The following PDE4D variants were observed in gnomAD, a reference collection of about 807,000 sequenced individuals.
The protein encoded by PDE4D is phosphodiesterase 4D.
Under a neutral mutation model 87.4 loss-of-function variants are expected in PDE4D, and 24 were observed. The ratio of observed to expected loss-of-function variants is 0.27; its 90% CI spans 0.20 to 0.39. The LOEUF (loss-of-function observed/expected upper bound fraction) is 0.39, where lower values mean the gene tolerates loss of function less well. PDE4D is among the 10% of genes least tolerant of loss of function. PDE4D has a pLI of 1.00. For missense variants in PDE4D, 714 were observed against 1,041.0 expected (o/e 0.69, Z 4.32); for synonymous variants, 384 against 383.2 (o/e 1.00, Z -0.02).
intron 6 of PDE4D, chr5:59,002,158 C>T (rs1242130239): frequency 6.9e-6 from 3 of 433,742 alleles, no homozygotes; most frequent in Non-Finnish European, 1.4e-5. Context: ...CTCATTTCCA[C>T]ATAAAGTTGA....
Position 59,798,382 on chromosome 5 carries a change from T to G in PDE4D, c.455+94786A>C, listed in dbSNP as rs978967912. On this transcript the variant is annotated intron_variant, in intron 1 of 14. Transcript: ENST00000340635. ...CAAAAAATTTTTTTTAAAAGCTATT[T>G]ATAACCAAAAATATCTTCTATCAAG... 4.6e-5 allele frequency among the ~76,000 whole-genome samples: 7 copies of G among 152,060 alleles called. No individual in the cohort carries two copies. The East Asian group carries it at 5.8e-4, about 13-fold the overall frequency.
intron 1 of PDE4D, among the ~76,000 whole-genome samples, chr5:60,382,297 T>C (rs757180253): frequency 2.1e-4 from 32 of 152,278 alleles, no homozygotes; most frequent in Non-Finnish European, 3.4e-4. Flanking sequence ...ACCAGGTCTA[T>C]TTCTATATGT....
chr5:59,238,668 T>A (rs1297309117), intron 1 of PDE4D, among the ~76,000 whole-genome samples: 2 of 152,190 alleles, frequency 1.3e-5, no homozygotes, highest in Non-Finnish European at 2.9e-5. Flanking sequence ...TTCCTCTGAG[T>A]CATAGTTATC....
chr5:60,358,224 G>A (rs1322518834), intron 1 of PDE4D, among the ~76,000 whole-genome samples: 1 of 152,162 alleles, frequency 6.6e-6, no homozygotes, highest in South Asian at 2.1e-4. Flanking sequence ...TGCAGTAAGG[G>A]AGTAGCCCTT....
chr5:59,356,704 G>C (rs1333184447), intron 1 of PDE4D: 1 of 1,433,222 alleles, frequency 7.0e-7, no homozygotes, highest in Admixed American at 2.4e-5. Flanking sequence ...TATTTGCAAG[G>C]GGCCTAAGGC....
At chr5:60,397,190 C>A (rs1026145772) in intron 1 of PDE4D, among the ~76,000 whole-genome samples, 8 of 152,156 alleles carry the variant, frequency 5.3e-5, no homozygotes, top group African/African-American at 1.9e-4. Flanking sequence ...GCACACTGTT[C>A]ATGGGAATGT....
intron 1 of PDE4D, among the ~76,000 whole-genome samples, chr5:59,464,223 G>T (rs7733370): frequency 0.037 from 5,581 of 152,160 alleles, 263 homozygotes; most frequent in East Asian, 0.13. Flanking sequence ...CTGTGCTGAG[G>T]AGGATTAGTA....
intron 3 of PDE4D, among the ~76,000 whole-genome samples, chr5:59,970,962 G>A (rs1234695048): frequency 2.0e-5 from 3 of 150,958 alleles, no homozygotes; most frequent in South Asian, 2.1e-4. Flanking sequence ...CAACCCAAAT[G>A]TCCAACAATG....
intron 2 of PDE4D, among the ~76,000 whole-genome samples, chr5:60,072,124 T>C (rs1225903340): frequency 1.3e-5 from 2 of 152,204 alleles, no homozygotes; most frequent in Non-Finnish European, 1.5e-5. Context: ...TTAACTAATT[T>C]ACATTCCCAC....
intron 1 of PDE4D, among the ~76,000 whole-genome samples, chr5:59,808,925 G>C (rs372869459): frequency 1.3e-5 from 2 of 152,100 alleles, no homozygotes; most frequent in African/African-American, 4.8e-5. Flanking sequence ...AGGCTGAAAG[G>C]CTGAATTAGT....
At chr5:59,252,895 C>T (rs1055888080) in intron 1 of PDE4D, among the ~76,000 whole-genome samples, 1 of 152,064 alleles carries the variant, frequency 6.6e-6, no homozygotes, top group African/African-American at 2.4e-5. Flanking sequence ...CAGAAATAAA[C>T]AAATACCCAA....
chr5:59,698,343 A>G (rs1580500013), intron 1 of PDE4D, among the ~76,000 whole-genome samples: 1 of 152,118 alleles, frequency 6.6e-6, no homozygotes, highest in Admixed American at 6.6e-5. Context: ...AGCAGATCAC[A>G]TAGTAATCAT....
chr5:59,730,344 T>C (rs964934346), intron 1 of PDE4D, among the ~76,000 whole-genome samples: 3 of 152,104 alleles, frequency 2.0e-5, no homozygotes, highest in Non-Finnish European at 4.4e-5. Context: ...GTACAAAACA[T>C]GTTTCTGCTT....
intron 1 of PDE4D, among the ~76,000 whole-genome samples, chr5:59,519,536 C>T (rs1184913971): frequency 2.6e-5 from 4 of 152,080 alleles, no homozygotes; most frequent in African/African-American, 9.7e-5. Flanking sequence ...CCAGTGAAGT[C>T]AGAGTGGAGA....
chr5:60,492,172 C>T (rs948873814), upstream of PDE4D, among the ~76,000 whole-genome samples: 1 of 151,676 alleles, frequency 6.6e-6, no homozygotes, highest in African/African-American at 2.4e-5. Flanking sequence ...GTGGCTCGCC[C>T]CTTTAGTAAT....
chr5:59,197,134 T>C (rs1175653112), intron 2 of PDE4D, among the ~76,000 whole-genome samples: 1 of 152,162 alleles, frequency 6.6e-6, no homozygotes, highest in Non-Finnish European at 1.5e-5. Context: ...TCCATGGAAA[T>C]ATGTCTCCTA....
At chr5:60,036,901 G>T (rs1767872076) in intron 2 of PDE4D, among the ~76,000 whole-genome samples, 1 of 152,172 alleles carries the variant, frequency 6.6e-6, no homozygotes. Flanking sequence ...ATTTTGGAAA[G>T]GGGTAGAGGG....
chr5:60,221,148 T>C (rs1353608059), intron 1 of PDE4D, among the ~76,000 whole-genome samples: 3 of 151,988 alleles, frequency 2.0e-5, no homozygotes, highest in East Asian at 3.9e-4. Context: ...CTGTTTATAC[T>C]GTAAGGCCAA....
chr5:59,464,319 T>C (rs973410028), intron 1 of PDE4D, among the ~76,000 whole-genome samples: 96 of 152,308 alleles, frequency 6.3e-4, no homozygotes, highest in African/African-American at 1.9e-3. Context: ...TGTCTCACTA[T>C]AAAACCCGAT....
Sources: allele counts gnomAD v4.1 joint callset (sites outside exome capture counted in the v4.1 genomes callset), GRCh38; gene constraint gnomAD v4.1.1; transcripts MANE v1.5; gene names NCBI Gene and HGNC (gene_info 2026-07-23, HGNC 2026-07-21).